Variants in ACTN2 observed in about 807,000 individuals in gnomAD.
ACTN2 encodes the protein alpha-actinin-2.
Under a neutral mutation model 113.8 loss-of-function variants are expected in ACTN2, and 39 were observed. The observed-to-expected ratio is 0.34, with a 90% CI of 0.27 to 0.45. The LOEUF is 0.45. Among genes scored for constraint, ACTN2 ranks in the 20% least tolerant of loss-of-function variants. The pLI is 1.00. For synonymous variants in ACTN2, 429 were observed against 444.1 expected (o/e 0.97, Z 0.43); for missense variants, 992 against 1,177.9 (o/e 0.84, Z 2.31).
intron 1 of ACTN2, among the ~76,000 whole-genome samples, chr1:236,715,225 T>C (rs1297113741): frequency 2.6e-5 from 4 of 151,884 alleles, no homozygotes; most frequent in Admixed American, 1.3e-4. Flanking sequence ...GTTACATATG[T>C]ATACATGTGC....
rs148189507 is a variant in ACTN2 at position 236,742,980 on chromosome 1, C to A, written c.1192C>A (p.Arg398Ser). 1.2e-6 allele frequency: 2 copies of A among 1,613,966 alleles called. No individual in the cohort carries two copies. Among genetic ancestry groups the A allele is most frequent in the Admixed American group, 1.7e-5 (1 of 59,992 alleles). ...GCTCAATGAGATTCGGAGACTGGAG[C>A]GCTTGGAACACCTGGCTGAGAAGTT... ...WLLNEIRRLE[R>S]LEHLAEKFRQ... Residue 398 changes from arginine (R) to serine (S), a missense_variant, in exon 11 of 21, where the codon CGC becomes AGC. By Grantham distance (110) the Arg-to-Ser change is moderately radical. This residue lies in a region of ACTN2 where 736 missense variants were observed against 815.4 expected (regional missense o/e 0.90). Transcript: ENST00000366578.
intron 1 of ACTN2, among the ~76,000 whole-genome samples, chr1:236,706,142 T>C (rs954328138): frequency 6.6e-6 from 1 of 151,988 alleles, no homozygotes; most frequent in Non-Finnish European, 1.5e-5. Flanking sequence ...GATTATAGAA[T>C]CTTTCTTAAC....
rs11800182 is a variant in ACTN2, at chr1:236,757,241, T to A, written c.2155-245T>A. Among the ~76,000 whole-genome samples the A allele has an allele frequency of 0.016, 1,776 of 108,402 alleles. 46 individuals carry two copies. Among genetic ancestry groups the A allele is most frequent in the African/African-American group, 0.058 (1,570 of 27,220 alleles). The allele number at this position is 108,402 out of a possible 152,430, so 71.1% of individuals were successfully genotyped here. ...CCGCTGCCACCGTTAGAACCCTGGT[T>A]ATAGAGTATATACTGCAGAGTGCCC... is the stretch of plus-strand genomic sequence containing the variant. On this transcript the variant is annotated intron_variant, in intron 17 of 20. Transcript: ENST00000366578.
Position 236,739,352 on chromosome 1 carries a change from C to G in ACTN2, c.927C>G (p.Pro309=). 1 of 1,614,066 alleles carries G rather than the reference C, an allele frequency of 6.2e-7. No individual in the cohort carries two copies. Among genetic ancestry groups the G allele is most frequent in the Non-Finnish European group, 8.5e-7 (1 of 1,180,022 alleles). Residue 309 remains proline, a synonymous_variant, in exon 10 of 21, where the codon CCC becomes CCG. Coordinates refer to ENST00000366578, the MANE Select transcript of ACTN2 (RefSeq NM_001103.4). ...TCCCCTGGCTGGAGAACCGGACTCC[C>G]GAGAAGACCATGCAAGCCATGCAGA... ...RTIPWLENRT[P]EKTMQAMQKK... is the part of the protein sequence containing the mutation.
intron 18 of ACTN2, among the ~76,000 whole-genome samples, chr1:236,759,204 C>A (rs539740497): frequency 6.6e-6 from 1 of 152,264 alleles, no homozygotes; most frequent in South Asian, 2.1e-4. Context: ...TTCATTAAAG[C>A]CCAAGTCATT....
chr1:236,710,430 A>G (rs957936743), intron 1 of ACTN2, among the ~76,000 whole-genome samples: 5 of 152,236 alleles, frequency 3.3e-5, no homozygotes, highest in Non-Finnish European at 7.3e-5. Context: ...GAGAAAAGCA[A>G]TACTCTTGTA....
In ACTN2 at chr1:236,686,642, C is replaced by CA; in HGVS notation, c.-32_-31insA. 1 of 1,536,856 alleles carries CA rather than the reference C, an allele frequency of 6.5e-7. No individual in the cohort carries two copies. Among genetic ancestry groups the CA allele is most frequent in the Non-Finnish European group, 8.8e-7 (1 of 1,141,536 alleles). On this transcript the variant is annotated 5_prime_UTR_variant, in exon 1 of 21. Coordinates refer to ENST00000366578, the MANE Select transcript of ACTN2 (RefSeq NM_001103.4). ...TCAGCCCGTGCGTCCGAGCCCCTCG[C>CA]GCCCCGCCGCAGCCCCGGCCAACCG...
Position 236,731,230 on chromosome 1 carries a change from C to T in ACTN2, c.616-3C>T, listed in dbSNP as rs111464645. The T allele has an allele frequency of 8.1e-5, 131 of 1,610,010 alleles. No homozygotes were observed. Among genetic ancestry groups the T allele is most frequent in the Non-Finnish European group, 1.1e-4 (127 of 1,176,410 alleles). ...AAATCTGACTGTCTTGGTTTTCATA[C>T]AGGATGACCCCATAGGAAATATTAA... On this transcript the variant is annotated splice_polypyrimidine_tract_variant and splice_region_variant and intron_variant, in intron 6 of 20. Transcript: ENST00000366578.
At chr1:236,711,441 C>T (rs998034911) in intron 1 of ACTN2, among the ~76,000 whole-genome samples, 4 of 152,220 alleles carry the variant, frequency 2.6e-5, no homozygotes, top group African/African-American at 9.7e-5. Flanking sequence ...ACCTCTGCCT[C>T]CTGGGTTCAA....
intron 11 of ACTN2, 43 bp downstream of exon 11, chr1:236,743,086 T>G: frequency 1.9e-6 from 3 of 1,611,158 alleles, no homozygotes; most frequent in Non-Finnish European, 2.5e-6. Context: ...AAAACCAGAG[T>G]TGAGCCATGC....
At chr1:236,721,015 G>GGTGTTTTTTTTTTTTT in intron 4 of ACTN2, among the ~76,000 whole-genome samples, 2 of 49,176 alleles carry the variant, frequency 4.1e-5, no homozygotes, top group East Asian at 5.5e-4. Flanking sequence ...TCTGGTTTTT[G>GGTGTTTTTTTTTTTTT]TTTTTTGTTT....
chr1:236,761,997 A>G (rs1461946045), intron 20 of ACTN2, among the ~76,000 whole-genome samples: 1 of 152,220 alleles, frequency 6.6e-6, no homozygotes, highest in Admixed American at 6.5e-5. Flanking sequence ...CAACCCCACT[A>G]AGAAACTTCT....
At chr1:236,709,073 A>G (rs1415753713) in intron 1 of ACTN2, among the ~76,000 whole-genome samples, 1 of 151,676 alleles carries the variant, frequency 6.6e-6, no homozygotes, top group Non-Finnish European at 1.5e-5. Flanking sequence ...TTTTTAGAAC[A>G]GCAGTTTAAC....
rs758805815 is a variant in ACTN2 at position 236,761,122 on chromosome 1, C to T, written c.2475C>T (p.Thr825=). ...IDFMTRETAD[T]DTAEQVIASF... is the part of the protein sequence containing the mutation. ...TCATGACTAGAGAGACGGCTGACAC[C>T]GACACTGCCGAGCAGGTCATCGCCT... Residue 825 remains threonine (T), a synonymous_variant, in exon 20 of 21, where the codon ACC becomes ACT. Transcript: ENST00000366578. 8.1e-6 allele frequency: 13 copies of T among 1,614,072 alleles called. No homozygotes were observed. In the Admixed American group the frequency reaches 1.0e-4, roughly 12 times the overall value.
At position 236,721,022 on chromosome 1, in the gene ACTN2, GTTTTTTTT is replaced by G. The variant is rs869077774; in HGVS notation, c.448+847_448+854del. On this transcript the variant is annotated intron_variant, in intron 4 of 20. Coordinates refer to ENST00000366578, the MANE Select transcript of ACTN2 (RefSeq NM_001103.4). ...CCTCTGACTCTGGTTTTTGTTTTTT[GTTTTTTTT>G]TTTTTTTTTTTTTTTGAGACGGAGT... Among the ~76,000 whole-genome samples the G allele has an allele frequency of 1.2e-3, 80 of 66,512 alleles. 14 individuals are homozygous for G. The highest frequency in any genetic ancestry group is 1.5e-3 in the Non-Finnish European group (58 of 37,800). 43.6% of individuals were successfully genotyped at this position (66,512 alleles called of 152,430 possible). A position where few individuals can be genotyped will look rare whatever the true frequency, so the allele number is the denominator to read the frequency against.
At chr1:236,724,472 G>A (rs1335771542) in intron 4 of ACTN2, among the ~76,000 whole-genome samples, 1 of 152,244 alleles carries the variant, frequency 6.6e-6, no homozygotes, top group Non-Finnish European at 1.5e-5. Flanking sequence ...TGCCTGAGGA[G>A]CCTTCAGACC....
chr1:236,754,969 A>G lies in ACTN2; in HGVS notation c.1975-50A>G, dbSNP rs1332357369. ...GGCGCCTCGTGCCGAGCTCCCTTAG[A>G]GGGCACTTCACTCTGCTTCTCTCTC... On this transcript the variant is annotated intron_variant, in intron 16 of 20. Coordinates refer to ENST00000366578, the MANE Select transcript of ACTN2 (RefSeq NM_001103.4). This position sits in a 1 kb window ranked among gnomAD's most constrained non-coding sequence, Gnocchi z 4.9. The G allele has an allele frequency of 2.5e-6, 4 of 1,611,772 alleles. No homozygotes were observed. Among genetic ancestry groups the G allele is most frequent in the Non-Finnish European group, 3.4e-6 (4 of 1,178,460 alleles).
At chr1:236,712,076 A>G (rs570852393) in intron 1 of ACTN2, among the ~76,000 whole-genome samples, 5 of 152,234 alleles carry the variant, frequency 3.3e-5, no homozygotes, top group Admixed American at 6.5e-5. Context: ...TCTAAGGTTT[A>G]GTTTTCAAGA....
chr1:236,693,965 A>G (rs1173726317), intron 1 of ACTN2, among the ~76,000 whole-genome samples: 1 of 151,930 alleles, frequency 6.6e-6, no homozygotes, highest in African/African-American at 2.4e-5. Flanking sequence ...CAGGTTTTTA[A>G]AGATCTCATG....
Sources: allele counts gnomAD v4.1 joint callset (sites outside exome capture counted in the v4.1 genomes callset), GRCh38; gene constraint gnomAD v4.1.1; regional missense constraint gnomAD v4.1.1; non-coding constraint Gnocchi (gnomAD v3.1); transcripts MANE v1.5; gene names NCBI Gene and HGNC (gene_info 2026-07-23, HGNC 2026-07-21).